The following MAGI1 variants were observed in gnomAD, a reference collection of about 807,000 sequenced individuals.
MAGI1 encodes membrane-associated guanylate kinase, WW and PDZ domain-containing protein 1.
A neutral mutation model predicts 139.9 loss-of-function variants in MAGI1; 58 were observed. The observed-to-expected ratio is 0.41, with a 90% confidence interval of 0.34 to 0.52. The LOEUF is 0.52. Among genes scored for constraint, MAGI1 ranks in the 20% least tolerant of loss-of-function variants. The pLI is 0.12. For synonymous variants in MAGI1, 812 were observed against 737.9 expected, an observed-to-expected ratio of 1.10 and a Z score of -1.63; for missense variants, 1,874 against 1,901.6, an observed-to-expected ratio of 0.99 and a Z score of 0.27.
intron 1 of MAGI1, among the ~76,000 whole-genome samples, chr3:65,880,330 C>A (rs922474859): frequency 3.3e-5 from 5 of 152,158 alleles, no homozygotes; most frequent in Admixed American, 6.5e-5. Flanking sequence ...GTAGTGCTGG[C>A]AGTGATGGCT....
chr3:65,806,650 CTTTAAA>C (rs2040873541), intron 1 of MAGI1, among the ~76,000 whole-genome samples: 1 of 152,152 alleles, frequency 6.6e-6, no homozygotes, highest in South Asian at 2.1e-4. Flanking sequence ...AGTTAAACTC[CTTTAAA>C]TTTAATTCTG....
intron 12 of MAGI1, among the ~76,000 whole-genome samples, chr3:65,407,756 T>G (rs975612408): frequency 6.6e-6 from 1 of 152,210 alleles, no homozygotes; most frequent in Non-Finnish European, 1.5e-5. Flanking sequence ...TAATTCATAT[T>G]CTTATTTTCA....
chr3:65,511,616 A>G (rs1361439740), intron 2 of MAGI1, among the ~76,000 whole-genome samples: 1 of 130,812 alleles, frequency 7.6e-6, no homozygotes, highest in Non-Finnish European at 1.6e-5. Context: ...TATCCTAAAT[A>G]TATATGCACC....
chr3:65,453,135 A>G (rs1395563312), intron 6 of MAGI1, 123 bp downstream of exon 6: 2 of 798,030 alleles, frequency 2.5e-6, no homozygotes, highest in Admixed American at 4.2e-5. Context: ...CATTTAGCAG[A>G]AATTGGATTA....
At chr3:65,907,924 T>C (rs928928572) in intron 1 of MAGI1, among the ~76,000 whole-genome samples, 1 of 152,214 alleles carries the variant, frequency 6.6e-6, no homozygotes, top group Non-Finnish European at 1.5e-5. Flanking sequence ...TGTCACGTGT[T>C]ACCCCGGCTC....
At chr3:65,968,245 C>G (rs1322720105) in intron 1 of MAGI1, among the ~76,000 whole-genome samples, 1 of 152,120 alleles carries the variant, frequency 6.6e-6, no homozygotes, top group East Asian at 1.9e-4. Context: ...CCTTTTGAAC[C>G]AGGAAAGTCC....
chr3:65,492,092 GT>G (rs1441838555), intron 3 of MAGI1, among the ~76,000 whole-genome samples: 1 of 152,106 alleles, frequency 6.6e-6, no homozygotes, highest in Non-Finnish European at 1.5e-5. Context: ...TACCCTTTAT[GT>G]TTAAGTCTAA....
At chr3:65,702,188 T>C (rs948176077) in intron 1 of MAGI1, among the ~76,000 whole-genome samples, 7 of 152,124 alleles carry the variant, frequency 4.6e-5, no homozygotes, top group Middle Eastern at 3.4e-3. Context: ...AAATATCAAG[T>C]GGAATTTATA....
intron 1 of MAGI1, among the ~76,000 whole-genome samples, chr3:66,025,698 A>ATGTGTGTGTGTCTG (rs1223397269): frequency 6.6e-6 from 1 of 152,020 alleles, no homozygotes; most frequent in Non-Finnish European, 1.5e-5. Flanking sequence ...CTGTTTGTGT[A>ATGTGTGTGTGTCTG]TGTGTGTGTG....
At chr3:65,983,866 T>C (rs781493388) in intron 1 of MAGI1, among the ~76,000 whole-genome samples, 3 of 152,232 alleles carry the variant, frequency 2.0e-5, no homozygotes, top group African/African-American at 4.8e-5. Flanking sequence ...GTGATTATAA[T>C]AGTACAGTTT....
At chr3:65,428,394 T>C (rs113799376) in intron 12 of MAGI1, among the ~76,000 whole-genome samples, 1 of 152,096 alleles carries the variant, frequency 6.6e-6, no homozygotes, top group African/African-American at 2.4e-5. Flanking sequence ...CAGTGTGACG[T>C]CCTGTGTTTT....
rs935668196 is a variant in MAGI1 at position 65,936,413 on chromosome 3, C to T, written c.313+101583G>A. Among the ~76,000 whole-genome samples the T allele has an allele frequency of 3.9e-5, 6 of 151,932 alleles. No homozygotes were observed. In the South Asian group the frequency reaches 1.2e-3, roughly 32 times the overall value. On this transcript the variant is annotated intron_variant, in intron 1 of 22. Coordinates refer to ENST00000402939, the MANE Select transcript of MAGI1 (RefSeq NM_001033057.2). ...AGCACTTTGGGAGGCTGAGGCATACCGATCACCTGAGGGCAGGAGTTCGAG... is the reference window on the plus strand; with the variant it reads ...AGCACTTTGGGAGGCTGAGGCATACTGATCACCTGAGGGCAGGAGTTCGAG...
chr3:65,642,074 T>C lies in MAGI1; in HGVS notation c.314-19986A>G, dbSNP rs182685248. 9.9e-5 allele frequency among the ~76,000 whole-genome samples: 15 copies of C among 152,260 alleles called. No individual in the cohort carries two copies. In the East Asian group the frequency reaches 2.9e-3, roughly 29 times the overall value. ...CTTAAAAGTTGCACAGGCTGACTTC[T>C]GAAGGTGCACAAAGCACCAACACAT... is the stretch of plus-strand genomic sequence containing the variant. On this transcript the variant is annotated intron_variant, in intron 1 of 22. Coordinates refer to ENST00000402939, the MANE Select transcript of MAGI1 (RefSeq NM_001033057.2).
At chr3:65,440,052 C>A in intron 8 of MAGI1, 40 bp from the exon 9 acceptor site, 1 of 1,609,426 alleles carries the variant, frequency 6.2e-7, no homozygotes, top group Non-Finnish European at 8.5e-7. Context: ...TGAAACAGTT[C>A]ATCCCACCAG....
intron 2 of MAGI1, among the ~76,000 whole-genome samples, chr3:65,557,708 T>C (rs2080152928): frequency 1.3e-5 from 2 of 152,308 alleles, no homozygotes; most frequent in African/African-American, 4.8e-5. Context: ...TCATCAGTTT[T>C]GTCTCCTAAT....
At chr3:66,006,699 C>T (rs550422975) in intron 1 of MAGI1, among the ~76,000 whole-genome samples, 2 of 152,124 alleles carry the variant, frequency 1.3e-5, no homozygotes, top group East Asian at 3.9e-4. Context: ...GACATAAAAA[C>T]ATATCAACAC....
At chr3:65,859,582 A>G (rs1470533423) in intron 1 of MAGI1, among the ~76,000 whole-genome samples, 2 of 151,900 alleles carry the variant, frequency 1.3e-5, no homozygotes, top group African/African-American at 4.8e-5. Flanking sequence ...TACAAAAAAT[A>G]CAAAAATTAG....
intron 1 of MAGI1, among the ~76,000 whole-genome samples, chr3:65,642,420 C>G (rs981547294): frequency 3.9e-5 from 6 of 152,148 alleles, no homozygotes; most frequent in African/African-American, 1.4e-4. Context: ...GAATGAAAAG[C>G]CTTTGAGAAT....
chr3:65,862,136 G>C (rs1338929768), intron 1 of MAGI1, among the ~76,000 whole-genome samples: 1 of 152,154 alleles, frequency 6.6e-6, no homozygotes, highest in Non-Finnish European at 1.5e-5. Context: ...TGAATACCCA[G>C]AAAGGTAACA....
Sources: gnomAD v4.1 joint callset for allele counts (sites outside exome capture counted in the v4.1 genomes callset) on GRCh38, gnomAD v4.1.1 for gene constraint, MANE v1.5 for transcripts, NCBI Gene and HGNC (gene_info 2026-07-23, HGNC 2026-07-21) for gene names.